The following ASXL3 variants were observed in gnomAD, a reference collection of about 807,000 sequenced individuals.
ASXL3 encodes the protein putative Polycomb group protein ASXL3.
A neutral mutation model predicts 170.6 loss-of-function variants in ASXL3; 34 were observed. The ratio of observed to expected loss-of-function variants is 0.20; its 90% CI spans 0.15 to 0.27. The LOEUF (loss-of-function observed/expected upper bound fraction) is 0.27, where lower values mean the gene tolerates loss of function less well. Among genes scored for constraint, ASXL3 ranks in the 10% least tolerant of loss-of-function variants. ASXL3 has a pLI of 1.00. For missense variants in ASXL3, 2,592 were observed against 2,695.3 expected, an observed-to-expected ratio of 0.96 and a Z score of 0.85; for synonymous variants, 1,002 against 989.1, an observed-to-expected ratio of 1.01 and a Z score of -0.24.
Position 33,749,678 on chromosome 18 carries a change from A to ACTGC in ASXL3, c.*3086_*3087insCCTG. The ACTGC allele has an allele frequency of 6.6e-6, 1 of 152,266 alleles. No individual in the cohort carries two copies. Among genetic ancestry groups the ACTGC allele is most frequent in the South Asian group, 2.1e-4 (1 of 4,820 alleles). 9.4% of individuals were successfully genotyped at this position (152,266 alleles called of 1,614,324 possible). A position where few individuals can be genotyped will look rare whatever the true frequency, so the allele number is the denominator to read the frequency against. On this transcript the variant is annotated 3_prime_UTR_variant, in exon 12 of 12. Coordinates refer to ENST00000269197, the MANE Select transcript of ASXL3 (RefSeq NM_030632.3). ...ATGAGAATAGTAGAAATTTTGGTGA[A>ACTGC]CTGAGCACCATAGTTATATAATATT...
chr18:33,703,105 T>G (rs1382655557), intron 8 of ASXL3, among the ~76,000 whole-genome samples: 1 of 152,150 alleles, frequency 6.6e-6, no homozygotes, highest in Non-Finnish European at 1.5e-5. Context: ...TTCTCTCTGG[T>G]ACATTAGTTG....
intron 1 of ASXL3, among the ~76,000 whole-genome samples, chr18:33,605,102 C>T (rs2065230029): frequency 6.6e-6 from 1 of 151,966 alleles, no homozygotes; most frequent in South Asian, 2.1e-4. Flanking sequence ...CCCACCAAAA[C>T]ATCCAAAATG....
chr18:33,702,930 T>A (rs1260013877), intron 8 of ASXL3, among the ~76,000 whole-genome samples: 1 of 152,166 alleles, frequency 6.6e-6, no homozygotes, highest in Non-Finnish European at 1.5e-5. Flanking sequence ...TTAGGTCCAT[T>A]AATTGCTGCC....
intron 2 of ASXL3, among the ~76,000 whole-genome samples, chr18:33,617,632 A>G (rs1262202153): frequency 6.6e-6 from 1 of 152,164 alleles, no homozygotes; most frequent in Non-Finnish European, 1.5e-5. Context: ...AAGCTATGCA[A>G]TTATAGCCAC....
intron 10 of ASXL3, among the ~76,000 whole-genome samples, chr18:33,737,719 G>T (rs893435954): frequency 6.6e-6 from 1 of 152,066 alleles, no homozygotes; most frequent in South Asian, 2.1e-4. Context: ...AATGAAATTT[G>T]CATGTTGTCT....
At chr18:33,709,039 T>G (rs1348517803) in intron 8 of ASXL3, among the ~76,000 whole-genome samples, 1 of 152,154 alleles carries the variant, frequency 6.6e-6, no homozygotes, top group African/African-American at 2.4e-5. Flanking sequence ...TTTGCTCAGC[T>G]TCATTAGTCA....
intron 2 of ASXL3, among the ~76,000 whole-genome samples, chr18:33,637,794 CA>C (rs1278134735): frequency 1.3e-5 from 2 of 152,136 alleles, no homozygotes; most frequent in Admixed American, 1.3e-4. Flanking sequence ...GATCACATCT[CA>C]GTCATCTTGG....
intron 2 of ASXL3, chr18:33,626,762 T>G (rs2145163584): frequency 6.6e-6 from 1 of 152,238 alleles, no homozygotes; most frequent in South Asian, 2.1e-4. Flanking sequence ...GAAGGCAATA[T>G]ATATATAGGA....
chr18:33,658,216 C>G (rs1199782966), intron 4 of ASXL3, among the ~76,000 whole-genome samples: 8 of 152,112 alleles, frequency 5.3e-5, no homozygotes, highest in African/African-American at 9.7e-5. Flanking sequence ...GCTTGTATTT[C>G]AGAGGCCAAA....
intron 2 of ASXL3, among the ~76,000 whole-genome samples, chr18:33,639,064 A>G (rs2065810268): frequency 6.6e-6 from 1 of 152,168 alleles, no homozygotes. Context: ...GCTGTGAAAT[A>G]TTAATTTCTT....
intron 8 of ASXL3, among the ~76,000 whole-genome samples, chr18:33,687,700 T>C (rs895907105): frequency 6.6e-6 from 1 of 152,230 alleles, no homozygotes; most frequent in Non-Finnish European, 1.5e-5. Flanking sequence ...CTTCTCATTC[T>C]GTTTTTTAGA....
At chr18:33,664,961 T>C (rs897919727) in intron 5 of ASXL3, among the ~76,000 whole-genome samples, 44 of 152,252 alleles carry the variant, frequency 2.9e-4, no homozygotes, top group Admixed American at 7.8e-4. Context: ...GTCTTTTTTT[T>C]CTGCATAAGC....
chr18:33,582,706 CTGTGTGTGTGTGTGTG>C (rs34434614), intron 1 of ASXL3, among the ~76,000 whole-genome samples: 3 of 135,954 alleles, frequency 2.2e-5, no homozygotes, highest in Non-Finnish European at 3.2e-5. Context: ...TGGTTTTTTT[CTGTGTGTGTGTGTGTG>C]TGTGTGTGTG....
At chr18:33,655,116 G>A (rs1290650076) in intron 4 of ASXL3, among the ~76,000 whole-genome samples, 1 of 152,002 alleles carries the variant, frequency 6.6e-6, no homozygotes, top group African/African-American at 2.4e-5. Flanking sequence ...AACGACATTT[G>A]CATCATATGA....
chr18:33,700,576 G>T (rs2066854928), intron 8 of ASXL3, among the ~76,000 whole-genome samples: 2 of 152,090 alleles, frequency 1.3e-5, no homozygotes, highest in Admixed American at 1.3e-4. Flanking sequence ...GCAACTGAAA[G>T]AGAATGAAGT....
intron 8 of ASXL3, among the ~76,000 whole-genome samples, chr18:33,688,651 G>A (rs940514472): frequency 4.6e-5 from 7 of 152,136 alleles, no homozygotes; most frequent in African/African-American, 1.4e-4. Flanking sequence ...TCAATGTGCC[G>A]ATCATATATA....
chr18:33,612,498 A>G (rs1048401797), intron 2 of ASXL3, among the ~76,000 whole-genome samples: 4 of 152,062 alleles, frequency 2.6e-5, no homozygotes, highest in African/African-American at 9.7e-5. Context: ...TCTAGTATCA[A>G]TGAGAATTCT....
At chr18:33,607,541 T>A in intron 1 of ASXL3, 53 bp from the exon 2 acceptor site, 1 of 1,382,172 alleles carries the variant, frequency 7.2e-7, no homozygotes. Flanking sequence ...ACATACATTT[T>A]CATTTTGTAT....
intron 5 of ASXL3, among the ~76,000 whole-genome samples, chr18:33,662,163 G>C (rs2066184437): frequency 6.6e-6 from 1 of 152,150 alleles, no homozygotes; most frequent in Admixed American, 6.5e-5. Flanking sequence ...GAAAAATAGT[G>C]TTGCTTACTT....
Sources: allele counts gnomAD v4.1 joint callset (sites outside exome capture counted in the v4.1 genomes callset), GRCh38; gene constraint gnomAD v4.1.1; transcripts MANE v1.5; gene names NCBI Gene and HGNC (gene_info 2026-07-23, HGNC 2026-07-21).